CNTNAP2: variants seen among roughly 807,000 people sequenced by gnomAD.
CNTNAP2 encodes contactin associated protein 2, also known as contactin-associated protein-like 2.
CNTNAP2 carries 98 observed loss-of-function variants against 155.2 expected under a neutral mutation model. The ratio of observed to expected loss-of-function variants is 0.63; its 90% confidence interval spans 0.54 to 0.75. The LOEUF is 0.75. Among genes scored for constraint, CNTNAP2 ranks in the 30% least tolerant of loss-of-function variants. CNTNAP2 has a pLI of 0.00. For synonymous variants in CNTNAP2, 651 were observed against 631.2 expected, an observed-to-expected ratio of 1.03 and a Z score of -0.47; for missense variants, 1,727 against 1,688.1, an observed-to-expected ratio of 1.02 and a Z score of -0.40.
At chr7:147,632,329 T>G (rs986406777) in intron 12 of CNTNAP2, among the ~76,000 whole-genome samples, 17 of 152,234 alleles carry the variant, frequency 1.1e-4, no homozygotes, top group Middle Eastern at 6.8e-3. Flanking sequence ...TCATCTTGAA[T>G]TGTAGTTCCC....
chr7:146,747,975 C>T (rs527935337), intron 1 of CNTNAP2, among the ~76,000 whole-genome samples: 53 of 151,926 alleles, frequency 3.5e-4, no homozygotes, highest in African/African-American at 1.3e-3. Flanking sequence ...TTAATGAACA[C>T]AATGTACAAA....
chr7:147,896,851 A>G (rs1203818653), intron 13 of CNTNAP2, among the ~76,000 whole-genome samples: 4 of 152,150 alleles, frequency 2.6e-5, no homozygotes, highest in Non-Finnish European at 5.9e-5. Context: ...AAGGGCTATT[A>G]TCATCCTTGT....
At chr7:147,786,419 T>C (rs1797740913) in intron 13 of CNTNAP2, among the ~76,000 whole-genome samples, 1 of 152,164 alleles carries the variant, frequency 6.6e-6, no homozygotes, top group African/African-American at 2.4e-5. Context: ...GAGAGGATGA[T>C]GTGCCGGATG....
rs554038643 is a variant in CNTNAP2 at position 147,943,089 on chromosome 7, C to A, written c.2256-34773C>A. On this transcript the variant is annotated intron_variant, in intron 14 of 23. Transcript: ENST00000361727. ...AGCAGTTCTCCTGGAACCCTACCTT[C>A]CCCTGAATTTTGTCATATTTATCAA... Among the ~76,000 whole-genome samples the A allele has an allele frequency of 1.8e-3, 275 of 152,110 alleles. 1 individual carries two copies. Among genetic ancestry groups the A allele is most frequent in the African/African-American group, 6.3e-3 (262 of 41,496 alleles).
chr7:146,366,036 CTCA>C lies in CNTNAP2; in HGVS notation c.97+249068_97+249070del, dbSNP rs149508763. On this transcript the variant is annotated intron_variant, in intron 1 of 23. Coordinates refer to ENST00000361727, the MANE Select transcript of CNTNAP2 (RefSeq NM_014141.6). ...TCCTTATTTTTACTTCAATTTTCCTCTCATCATATAATTTGCTGTGTCAGACTC... is the reference window on the plus strand; with the variant it reads ...TCCTTATTTTTACTTCAATTTTCCTCTCATATAATTTGCTGTGTCAGACTC... 5.1e-3 allele frequency among the ~76,000 whole-genome samples: 770 copies of C among 152,096 alleles called. 3 individuals carry two copies. The highest frequency in any genetic ancestry group is 6.2e-3 in the Non-Finnish European group (423 of 67,986).
chr7:148,392,818 GAT>G (rs925941492), intron 22 of CNTNAP2, among the ~76,000 whole-genome samples: 1 of 152,120 alleles, frequency 6.6e-6, no homozygotes, highest in Admixed American at 6.5e-5. Context: ...TCTTCTCCCA[GAT>G]ATATTAGGAA....
At chr7:147,507,726 G>T (rs1798935313) in intron 11 of CNTNAP2, among the ~76,000 whole-genome samples, 1 of 151,520 alleles carries the variant, frequency 6.6e-6, no homozygotes, top group Non-Finnish European at 1.5e-5. Context: ...CTAATTTTTT[G>T]TATTTTTTAG....
In CNTNAP2 at chr7:148,147,634, C is replaced by T. The variant is rs375318010; in HGVS notation, c.2698C>T (p.Arg900Trp). 1.3e-5 allele frequency: 21 copies of T among 1,613,920 alleles called. No homozygotes were observed. The highest frequency in any genetic ancestry group is 1.6e-4 in the Middle Eastern group (1 of 6,080). Residue 900 changes from arginine (R) to tryptophan (W), a missense_variant, in exon 17 of 24, where the codon CGG becomes TGG. By Grantham distance (101) the Arg-to-Trp change is moderately radical (BLOSUM62 -3). Transcript: ENST00000361727. ...CAAGCAGGCCAGCCTACAGGTGGAC[C>T]GGCTACCGCAGCAGATCCGCAAGGC... The part of the protein sequence containing the change: ...NVKQASLQVD[R>W]LPQQIRKAPT...
chr7:147,661,784 C>G (rs1320416800), intron 13 of CNTNAP2, among the ~76,000 whole-genome samples: 1 of 152,092 alleles, frequency 6.6e-6, no homozygotes. Context: ...AACTCCTGAC[C>G]TCGTGATCTG....
At chr7:147,133,480 C>T (rs574017114) in intron 8 of CNTNAP2, among the ~76,000 whole-genome samples, 112 of 151,998 alleles carry the variant, frequency 7.4e-4, no homozygotes, top group Non-Finnish European at 1.4e-3. Context: ...GCACCCTATG[C>T]ATATACCTGA....
At chr7:147,384,722 G>A (rs1473735499) in intron 9 of CNTNAP2, among the ~76,000 whole-genome samples, 3 of 152,110 alleles carry the variant, frequency 2.0e-5, no homozygotes, top group African/African-American at 7.2e-5. Flanking sequence ...AGAATTTTTA[G>A]CGTTAAGTGC....
intron 1 of CNTNAP2, among the ~76,000 whole-genome samples, chr7:146,175,364 G>C (rs1401897965): frequency 1.3e-5 from 2 of 152,202 alleles, no homozygotes; most frequent in Non-Finnish European, 2.9e-5. Context: ...CTTTGAGGAA[G>C]TGAAGGATGA....
chr7:147,767,546 C>T (rs761958778), intron 13 of CNTNAP2, among the ~76,000 whole-genome samples: 7 of 151,872 alleles, frequency 4.6e-5, no homozygotes, highest in Admixed American at 1.3e-4. Context: ...TTTTATTTTA[C>T]TGCTTATTAT....
At chr7:147,754,576 C>T (rs1797189034) in intron 13 of CNTNAP2, among the ~76,000 whole-genome samples, 1 of 152,082 alleles carries the variant, frequency 6.6e-6, no homozygotes, top group East Asian at 1.9e-4. Context: ...CTGATTCAAA[C>T]AAACTATTAA....
chr7:146,132,926 C>A (rs1409137840), intron 1 of CNTNAP2, among the ~76,000 whole-genome samples: 1 of 147,932 alleles, frequency 6.8e-6, no homozygotes, highest in Non-Finnish European at 1.5e-5. Context: ...GGGTATATAC[C>A]CAGTAATGGG....
intron 9 of CNTNAP2, among the ~76,000 whole-genome samples, chr7:147,383,331 T>C (rs984836048): frequency 6.6e-6 from 1 of 152,226 alleles, no homozygotes; most frequent in African/African-American, 2.4e-5. Flanking sequence ...TTAAAGAAGA[T>C]ATTTTTATCA....
intron 2 of CNTNAP2, among the ~76,000 whole-genome samples, chr7:146,832,563 A>G (rs910914078): frequency 6.8e-6 from 1 of 147,964 alleles, no homozygotes; most frequent in African/African-American, 2.5e-5. Flanking sequence ...ATGTTTAGAT[A>G]TTTAATCTAA....
chr7:146,743,961 G>A (rs1378249671), intron 1 of CNTNAP2, among the ~76,000 whole-genome samples: 1 of 152,104 alleles, frequency 6.6e-6, no homozygotes, highest in Non-Finnish European at 1.5e-5. Flanking sequence ...GGTGGCTCAT[G>A]CCTGTAATGG....
At chr7:147,354,851 C>T (rs1474582971) in intron 9 of CNTNAP2, among the ~76,000 whole-genome samples, 1 of 152,118 alleles carries the variant, frequency 6.6e-6, no homozygotes, top group Non-Finnish European at 1.5e-5. Context: ...AGGTCCTTCA[C>T]ATCCCATGTA....
Sources: gnomAD v4.1 joint callset for allele counts (sites outside exome capture counted in the v4.1 genomes callset) on GRCh38, gnomAD v4.1.1 for gene constraint, MANE v1.5 for transcripts, NCBI Gene and HGNC (gene_info 2026-07-23, HGNC 2026-07-21) for gene names.